The following DDAH1 variants were observed in gnomAD, a reference collection of about 807,000 sequenced individuals.
The protein encoded by DDAH1 is N(G),N(G)-dimethylarginine dimethylaminohydrolase 1.
DDAH1 carries 19 observed loss-of-function variants against 28.8 expected under a neutral mutation model. That is an observed-to-expected ratio of 0.66 (90% CI 0.46 to 0.97). The LOEUF (loss-of-function observed/expected upper bound fraction) is 0.97, where lower values mean the gene tolerates loss of function less well. Ranked by LOEUF, DDAH1 falls within the 50% of genes least tolerant of loss-of-function variation. The pLI, the probability that DDAH1 is intolerant of heterozygous loss-of-function variation, is 0.00. For synonymous variants in DDAH1, 153 were observed against 154.4 expected (o/e 0.99, Z 0.07); for missense variants, 326 against 375.9 (o/e 0.87, Z 1.10).
At chr1:85,392,883 G>A (rs1651627043) in intron 1 of DDAH1, among the ~76,000 whole-genome samples, 1 of 151,466 alleles carries the variant, frequency 6.6e-6, no homozygotes, top group East Asian at 1.9e-4. Context: ...GGTCAACTAC[G>A]ATGCAACTAC....
intron 1 of DDAH1, among the ~76,000 whole-genome samples, chr1:85,409,221 A>T (rs1652535363): frequency 6.6e-6 from 1 of 152,132 alleles, no homozygotes; most frequent in Admixed American, 6.5e-5. Flanking sequence ...AGTGTGCCCC[A>T]GGGAAGCCAA....
chr1:85,422,819 A>G (rs1653206695), intron 1 of DDAH1, among the ~76,000 whole-genome samples: 1 of 152,168 alleles, frequency 6.6e-6, no homozygotes, highest in Non-Finnish European at 1.5e-5. Flanking sequence ...AGAGACTCCA[A>G]ACGGCTTGCT....
intron 1 of DDAH1, among the ~76,000 whole-genome samples, chr1:85,400,134 G>A (rs1431041592): frequency 1.3e-5 from 2 of 151,210 alleles, no homozygotes; most frequent in African/African-American, 4.9e-5. Context: ...AATGCCTGAA[G>A]GACACATAGT....
Position 85,358,818 on chromosome 1 carries a change from T to G in DDAH1, c.333A>C (p.Lys111Asn). 6.2e-7 allele frequency: 1 copy of G among 1,609,544 alleles called. No homozygotes were observed. The highest frequency in any genetic ancestry group is 1.1e-5 in the South Asian group (1 of 89,640). The change falls in exon 2 of 6, where the codon AAA becomes AAC. Residue 111 changes from lysine to asparagine, a missense_variant. By Grantham distance (94) the Lys-to-Asn change is moderately conservative (BLOSUM62 0). Coordinates refer to ENST00000284031, the MANE Select transcript of DDAH1 (RefSeq NM_012137.4). The stretch of plus-strand genomic sequence containing the variant: ...TCATCTCTACTATATTGAGCTGAAG[T>G]TTTTCTAATGCTTCTTTCATCATGT... ...EVDMMKEALE[K>N]LQLNIVEMKD...
rs924422506 is a variant in DDAH1, at chr1:85,319,187, A to T, written c.*2265T>A. ...AATTTAGGTTTTCACATCATCAATC[A>T]TATAGGGAGTCCAAAGAAGCCAGCC... On this transcript the variant is annotated 3_prime_UTR_variant, in exon 6 of 6. Coordinates refer to ENST00000284031, the MANE Select transcript of DDAH1 (RefSeq NM_012137.4). 1 of 152,206 alleles carries T rather than the reference A, an allele frequency of 6.6e-6. No homozygotes were observed. The highest frequency in any genetic ancestry group is 2.4e-5 in the African/African-American group (1 of 41,470). 9.4% of individuals were successfully genotyped at this position (152,206 alleles called of 1,614,324 possible).
chr1:85,321,423 T>C lies in DDAH1; in HGVS notation c.*29A>G. The C allele has an allele frequency of 6.7e-7, 1 of 1,503,512 alleles. No homozygotes were observed. Among genetic ancestry groups the C allele is most frequent in the Non-Finnish European group, 9.3e-7 (1 of 1,079,634 alleles). 93.1% of individuals were successfully genotyped at this position (1,503,512 alleles called of 1,614,324 possible). A position where few individuals can be genotyped will look rare whatever the true frequency, so the allele number is the denominator to read the frequency against. On this transcript the variant is annotated 3_prime_UTR_variant, in exon 6 of 6. Coordinates refer to ENST00000284031, the MANE Select transcript of DDAH1 (RefSeq NM_012137.4). ...AGTCATCGGCCTTGCCTGTGCGGTC[T>C]TGCCGGCTACCGGGGGGGACTCTGC...
chr1:85,365,940 AC>A (rs1267247672), intron 1 of DDAH1, among the ~76,000 whole-genome samples: 1 of 152,140 alleles, frequency 6.6e-6, no homozygotes, highest in Non-Finnish European at 1.5e-5. Flanking sequence ...CCTAAGGAGA[AC>A]CCTTAAACGT....
intron 4 of DDAH1, among the ~76,000 whole-genome samples, chr1:85,348,684 C>G (rs1649013521): frequency 6.6e-6 from 1 of 152,222 alleles, no homozygotes; most frequent in South Asian, 2.1e-4. Context: ...CTCTGAATAT[C>G]TAGGCCTCAG....
chr1:85,407,607 C>T (rs547028242), intron 1 of DDAH1, among the ~76,000 whole-genome samples: 3 of 152,226 alleles, frequency 2.0e-5, no homozygotes, highest in Non-Finnish European at 4.4e-5. Flanking sequence ...GGGACACCAC[C>T]GTGCTTTTAA....
At chr1:85,332,635 T>C (rs12059670) in intron 4 of DDAH1, among the ~76,000 whole-genome samples, 7,002 of 151,988 alleles carry the variant, frequency 0.046, 569 homozygotes, top group African/African-American at 0.16. Flanking sequence ...CCCAAGCACA[T>C]TGCCTGGGGG....
chr1:85,474,115 C>T (rs1216613334), intron 2 of DDAH1, among the ~76,000 whole-genome samples: 1 of 152,214 alleles, frequency 6.6e-6, no homozygotes, highest in Non-Finnish European at 1.5e-5. Context: ...CTCACGTTCT[C>T]CTTTACCTCC....
At chr1:85,366,423 T>G (rs1421111760) in intron 1 of DDAH1, among the ~76,000 whole-genome samples, 1 of 152,156 alleles carries the variant, frequency 6.6e-6, no homozygotes, top group African/African-American at 2.4e-5. Context: ...TTTCCAAACA[T>G]ATGGGTTTAT....
chr1:85,427,371 T>C (rs1043043630), intron 1 of DDAH1, among the ~76,000 whole-genome samples: 2 of 152,098 alleles, frequency 1.3e-5, no homozygotes, highest in African/African-American at 4.8e-5. Context: ...TTTTCTGAAA[T>C]TTTTTAATGC....
chr1:85,480,489 A>G (rs1015593806), intron 2 of DDAH1, among the ~76,000 whole-genome samples: 1 of 152,174 alleles, frequency 6.6e-6, no homozygotes, highest in Admixed American at 6.5e-5. Flanking sequence ...TCACATCTAT[A>G]ATCCCAGCAC....
Position 85,456,095 on chromosome 1 carries a change from G to GAA in DDAH1, c.303+8646_303+8647dup, listed in dbSNP as rs769288. ...TCCCCTACAACCCGGGTTCCAAAAA[G>GAA]AAAAAAAAAAAATCCCTCAGCTATT... is the stretch of plus-strand genomic sequence containing the variant. On this transcript the variant is annotated intron_variant, in intron 1 of 5. Coordinates refer to ENST00000284031, the MANE Select transcript of DDAH1 (RefSeq NM_012137.4). Among the ~76,000 whole-genome samples the GAA allele has an allele frequency of 4.9e-5, 7 of 142,724 alleles. No homozygotes were observed. The East Asian group carries it at 1.2e-3, about 25-fold the overall frequency. 93.6% of individuals were successfully genotyped at this position (142,724 alleles called of 152,430 possible).
intron 1 of DDAH1, among the ~76,000 whole-genome samples, chr1:85,511,768 G>C (rs1056652035): frequency 2.0e-5 from 3 of 152,030 alleles, no homozygotes; most frequent in East Asian, 3.9e-4. Context: ...ATAAATTCCT[G>C]GACACATACA....
chr1:85,555,412 T>A (rs1658932904), intron 1 of DDAH1, among the ~76,000 whole-genome samples: 1 of 152,238 alleles, frequency 6.6e-6, no homozygotes. Context: ...GATTTTTTAA[T>A]TCCCTACTGT....
chr1:85,409,986 G>T (rs1270390150), intron 1 of DDAH1, among the ~76,000 whole-genome samples: 3 of 152,150 alleles, frequency 2.0e-5, no homozygotes, highest in South Asian at 4.1e-4. Flanking sequence ...CAGAGATTAT[G>T]AAATTATAGA....
At chr1:85,567,724 C>T (rs574308087) in intron 1 of DDAH1, among the ~76,000 whole-genome samples, 10 of 152,154 alleles carry the variant, frequency 6.6e-5, no homozygotes, top group Admixed American at 3.9e-4. Context: ...GTTCAAAATA[C>T]ATCGAGCAAA....
Sources: gnomAD v4.1 joint callset for allele counts (sites outside exome capture counted in the v4.1 genomes callset) on GRCh38, gnomAD v4.1.1 for gene constraint, MANE v1.5 for transcripts, NCBI Gene and HGNC (gene_info 2026-07-23, HGNC 2026-07-21) for gene names.